Variants in ARNT2 observed in about 807,000 individuals in gnomAD.
ARNT2 encodes aryl hydrocarbon receptor nuclear translocator 2, also known as ARNT protein 2.
ARNT2 carries 36 observed loss-of-function variants against 91.7 expected under a neutral mutation model. That is an observed-to-expected ratio of 0.39 (90% CI 0.30 to 0.52). ARNT2 has a LOEUF of 0.52. Ranked by LOEUF, ARNT2 falls within the 20% of genes least tolerant of loss-of-function variation. ARNT2 has a pLI of 0.72. For synonymous variants in ARNT2, 365 were observed against 347.1 expected, an observed-to-expected ratio of 1.05 and a Z score of -0.57; for missense variants, 775 against 939.3, an observed-to-expected ratio of 0.83 and a Z score of 2.29.
Position 80,433,253 on chromosome 15 carries a change from TTTTA to T in ARNT2, c.32-17623_32-17620del, listed in dbSNP as rs1455556568. ...ATTTTATTTATTTTATTTTATTTTATTTTATTTTATTTTATTTTATTTTATTTTA... is the reference window on the plus strand; with the variant it reads ...ATTTTATTTATTTTATTTTATTTTATTTTTATTTTATTTTATTTTATTTTA... On this transcript the variant is annotated intron_variant, in intron 1 of 18. Coordinates refer to ENST00000303329, the MANE Select transcript of ARNT2 (RefSeq NM_014862.4). 0.013 allele frequency among the ~76,000 whole-genome samples: 413 copies of T among 32,116 alleles called. 3 individuals carry two copies. In the East Asian group the frequency reaches 0.22, roughly 17 times the overall value. 21.1% of individuals were successfully genotyped at this position (32,116 alleles called of 152,430 possible).
intron 8 of ARNT2, among the ~76,000 whole-genome samples, chr15:80,524,344 G>A (rs10152445): frequency 3.7e-4 from 56 of 152,302 alleles, no homozygotes; most frequent in African/African-American, 1.3e-3. Context: ...ACCTGGCAGT[G>A]TGTATTAAAT....
rs1893284412 is a variant in ARNT2 at position 80,591,763 on chromosome 15, C to A, written c.2055+59C>A. On this transcript the variant is annotated intron_variant, in intron 18 of 18. Coordinates refer to ENST00000303329, the MANE Select transcript of ARNT2 (RefSeq NM_014862.4). The surrounding 1 kb of genome is among the most constrained non-coding windows in gnomAD (Gnocchi z 5.1). ...CCGGCGCCTTCTCTCTGCTTCCTTT[C>A]CCCCTCGGTCTCTGCCGCACCACCG... The A allele has an allele frequency of 1.2e-6, 2 of 1,602,864 alleles. No individual in the cohort carries two copies. Among genetic ancestry groups the A allele is most frequent in the South Asian group, 1.1e-5 (1 of 89,870 alleles).
chr15:80,435,539 G>A (rs761083244), intron 1 of ARNT2, among the ~76,000 whole-genome samples: 7 of 151,954 alleles, frequency 4.6e-5, no homozygotes, highest in Non-Finnish European at 8.8e-5. Context: ...AGTCCAAACA[G>A]CTGCCCCCCT....
chr15:80,499,314 A>T (rs562810536), intron 5 of ARNT2, among the ~76,000 whole-genome samples: 4 of 152,094 alleles, frequency 2.6e-5, no homozygotes, highest in Admixed American at 6.5e-5. Context: ...TGTGTAGATA[A>T]AATACTGTAA....
At chr15:80,566,633 A>G (rs2141470651) in intron 12 of ARNT2, among the ~76,000 whole-genome samples, 1 of 152,320 alleles carries the variant, frequency 6.6e-6, no homozygotes, top group African/African-American at 2.4e-5. Context: ...ATCTGTTGTT[A>G]GCACCTTACA....
rs1898629326 is a variant in ARNT2, at chr15:80,574,194, G to A, written c.1363G>A (p.Gly455Arg). Residue 455 changes from glycine to arginine, a missense_variant, in exon 13 of 19, where the codon GGA (glycine) becomes AGA (arginine). Physicochemically the swap from Gly to Arg is moderately radical, Grantham distance 125. Around this residue, in one of 5 missense-constraint regions of ARNT2, gnomAD observed 325 missense variants for 359.9 expected, o/e 0.90. Coordinates refer to ENST00000303329, the MANE Select transcript of ARNT2 (RefSeq NM_014862.4). ...AGAATTGGAAGTGCACCAGAGAGAT[G>A]GATTGTCATCGTATGACTTATCCCA... ...QAELEVHQRD[G>R]LSSYDLSQVP... The A allele has an allele frequency of 3.7e-6, 6 of 1,614,042 alleles. No individual in the cohort carries two copies. The African/African-American group carries it at 4.0e-5, about 11-fold the overall frequency.
chr15:80,450,395 C>A (rs180828740), intron 1 of ARNT2, among the ~76,000 whole-genome samples: 115 of 152,246 alleles, frequency 7.6e-4, no homozygotes, highest in Admixed American at 2.8e-3. Flanking sequence ...CCAGAGTAGG[C>A]GTGGCAACCA....
intron 1 of ARNT2, among the ~76,000 whole-genome samples, chr15:80,435,778 C>G (rs1465676851): frequency 1.8e-4 from 28 of 152,110 alleles, no homozygotes; most frequent in Admixed American, 1.8e-3. Flanking sequence ...GTATGTGCCT[C>G]TTAGGGCAGC....
At position 80,576,897 on chromosome 15, in the gene ARNT2, A is replaced by G. The variant is rs1396700223; in HGVS notation, c.1545A>G (p.Ala515=). 1 of 1,613,972 alleles carries G rather than the reference A, an allele frequency of 6.2e-7. No homozygotes were observed. The highest frequency in any genetic ancestry group is 1.7e-5 in the Admixed American group (1 of 59,996). The change falls in exon 15 of 19, where the codon GCA becomes GCG. Residue 515 remains alanine, a synonymous_variant. Transcript: ENST00000303329. ...SEKKMMSSAS[A]AGTQQIYSQG... Reference sequence around the variant, plus strand: ...AGAAGATGATGAGCTCAGCCTCTGCAGCAGGAACCCAGCAGATCTACTCCC... The same window carrying G: ...AGAAGATGATGAGCTCAGCCTCTGCGGCAGGAACCCAGCAGATCTACTCCC...
chr15:80,593,911 T>A lies in ARNT2; in HGVS notation c.*213T>A, dbSNP rs1400856606. ...ACTGACCAGGGGCCCTGGCAGACAT[T>A]AGGGGATCAGTTGTATTTATTGTAT... is the stretch of plus-strand genomic sequence containing the variant. On this transcript the variant is annotated 3_prime_UTR_variant, in exon 19 of 19. Transcript: ENST00000303329. 3.5e-6 allele frequency: 2 copies of A among 566,394 alleles called. No individual in the cohort carries two copies. The highest frequency in any genetic ancestry group is 2.2e-5 in the South Asian group (1 of 45,130). The allele number at this position is 566,394 out of a possible 1,614,324, so 35.1% of individuals were successfully genotyped here.
At chr15:80,434,704 G>C (rs963753342) in intron 1 of ARNT2, among the ~76,000 whole-genome samples, 1 of 152,070 alleles carries the variant, frequency 6.6e-6, no homozygotes, top group Admixed American at 6.6e-5. Context: ...GAGGGGACAG[G>C]TAGACCGGGA....
At chr15:80,546,314 A>G (rs1020662377) in intron 8 of ARNT2, among the ~76,000 whole-genome samples, 5 of 152,272 alleles carry the variant, frequency 3.3e-5, no homozygotes, top group Middle Eastern at 6.8e-3. Context: ...TCTATGTTTC[A>G]TATGGAAAGG....
intron 12 of ARNT2, among the ~76,000 whole-genome samples, chr15:80,572,656 G>A (rs1045726047): frequency 6.6e-6 from 1 of 152,170 alleles, no homozygotes; most frequent in African/African-American, 2.4e-5. Flanking sequence ...CGTGTCAGAG[G>A]AGACCCACTG....
intron 16 of ARNT2, 153 bp downstream of exon 16, chr15:80,580,702 A>C (rs903544579): frequency 1.0e-6 from 1 of 994,084 alleles, no homozygotes; most frequent in Non-Finnish European, 1.5e-6. Context: ...AGCACCATCC[A>C]CCCTCAGGGC....
intron 5 of ARNT2, chr15:80,475,579 A>G (rs1213841943): frequency 5.8e-6 from 1 of 173,566 alleles, no homozygotes; most frequent in African/African-American, 2.5e-5. Context: ...AAAAAAAAAA[A>G]ATTATTTTAG....
intron 1 of ARNT2, among the ~76,000 whole-genome samples, chr15:80,437,137 C>A (rs1345691122): frequency 6.6e-6 from 1 of 152,088 alleles, no homozygotes; most frequent in Non-Finnish European, 1.5e-5. Context: ...CATGGAATAA[C>A]CTCAGTCTAC....
intron 1 of ARNT2, among the ~76,000 whole-genome samples, chr15:80,415,170 C>T (rs903494066): frequency 1.3e-5 from 2 of 152,232 alleles, no homozygotes; most frequent in Non-Finnish European, 2.9e-5. Context: ...CTTGCTGGGT[C>T]TGTGGTGTCC....
Position 80,597,665 on chromosome 15 carries a change from G to A in ARNT2, c.*3967G>A, listed in dbSNP as rs1139651. 0.14 allele frequency: 21,647 copies of A among 157,822 alleles called. 1,921 individuals are homozygous for A. The highest frequency in any genetic ancestry group is 0.25 in the African/African-American group (10,340 of 41,592). 9.8% of individuals were successfully genotyped at this position (157,822 alleles called of 1,614,324 possible). A position where few individuals can be genotyped will look rare whatever the true frequency, so the allele number is the denominator to read the frequency against. ...TGGAGGTTTCACAGGCTGTGCGGGA[G>A]CAGGACGGCTTGCTTCATCTAACAA... On this transcript the variant is annotated 3_prime_UTR_variant, in exon 19 of 19. Coordinates refer to ENST00000303329, the MANE Select transcript of ARNT2 (RefSeq NM_014862.4).
rs537537480 is a variant in ARNT2 at position 80,593,967 on chromosome 15, A to G, written c.*269A>G. The G allele has an allele frequency of 2.3e-6, 1 of 432,158 alleles. No homozygotes were observed. The highest frequency in any genetic ancestry group is 2.0e-5 in the African/African-American group (1 of 50,210). 26.8% of individuals were successfully genotyped at this position (432,158 alleles called of 1,614,324 possible). A position where few individuals can be genotyped will look rare whatever the true frequency, so the allele number is the denominator to read the frequency against. On this transcript the variant is annotated 3_prime_UTR_variant, in exon 19 of 19. Transcript: ENST00000303329. Reference sequence around the variant, plus strand: ...CTGTGTGTGCTCAGGAGGTGAGCCTAGTGGGTCCTTAAGTTTGGTTGTGAA... The same window carrying G: ...CTGTGTGTGCTCAGGAGGTGAGCCTGGTGGGTCCTTAAGTTTGGTTGTGAA...
Sources: allele counts gnomAD v4.1 joint callset (sites outside exome capture counted in the v4.1 genomes callset), GRCh38; gene constraint gnomAD v4.1.1; regional missense constraint gnomAD v4.1.1; non-coding constraint Gnocchi (gnomAD v3.1); transcripts MANE v1.5; gene names NCBI Gene and HGNC (gene_info 2026-07-23, HGNC 2026-07-21).